The following ERBB4 variants were observed in gnomAD, a reference collection of about 807,000 sequenced individuals.
ERBB4 encodes receptor tyrosine-protein kinase erbB-4.
In ERBB4, 42 loss-of-function variants were observed where a neutral mutation model predicts 158.0. The observed-to-expected ratio is 0.27, with a 90% CI of 0.21 to 0.34. ERBB4 has a LOEUF of 0.34. ERBB4 is among the 10% of genes least tolerant of loss of function. The pLI is 1.00. For missense variants in ERBB4, 1,333 were observed against 1,624.1 expected, an observed-to-expected ratio of 0.82 and a Z score of 3.08; for synonymous variants, 583 against 558.7, an observed-to-expected ratio of 1.04 and a Z score of -0.61.
chr2:212,518,360 G>A (rs1274675194), intron 1 of ERBB4, among the ~76,000 whole-genome samples: 3 of 151,892 alleles, frequency 2.0e-5, no homozygotes, highest in Non-Finnish European at 4.4e-5. Context: ...TTATATTCAA[G>A]AATGAATATT....
chr2:212,087,759 T>C (rs1322301050), intron 2 of ERBB4, among the ~76,000 whole-genome samples: 1 of 152,092 alleles, frequency 6.6e-6, no homozygotes, highest in Non-Finnish European at 1.5e-5. Context: ...TAAATTCTAA[T>C]AACATTCTAC....
chr2:212,083,094 TAAGAA>T (rs2125472559), intron 2 of ERBB4, among the ~76,000 whole-genome samples: 1 of 152,058 alleles, frequency 6.6e-6, no homozygotes, highest in Non-Finnish European at 1.5e-5. Flanking sequence ...GGAGAAAAGA[TAAGAA>T]AAGGCCCATG....
intron 25 of ERBB4, among the ~76,000 whole-genome samples, chr2:211,405,977 T>TTCTA (rs1014910047): frequency 5.9e-5 from 9 of 152,268 alleles, no homozygotes; most frequent in African/African-American, 1.9e-4. Flanking sequence ...ATCCTGTTGT[T>TTCTA]TCTATCTCAA....
intron 20 of ERBB4, among the ~76,000 whole-genome samples, chr2:211,454,125 T>C (rs1305822903): frequency 6.6e-6 from 1 of 152,212 alleles, no homozygotes; most frequent in East Asian, 1.9e-4. Context: ...ATACATTCTA[T>C]CAGTTTTTTC....
intron 2 of ERBB4, among the ~76,000 whole-genome samples, chr2:212,073,207 C>T (rs574037368): frequency 1.3e-5 from 2 of 151,956 alleles, no homozygotes; most frequent in South Asian, 4.2e-4. Flanking sequence ...TTGTAGATCA[C>T]GTTCAAGTCT....
In ERBB4 at chr2:212,037,739, G is replaced by T. The variant is rs2077048546; in HGVS notation, c.234+87013C>A. Reference sequence around the variant, plus strand: ...ACAAACTTTTTGAAGTCAGGGGAAGGGATGAAAGTAAAATTAAAAATTAAT... The same window carrying T: ...ACAAACTTTTTGAAGTCAGGGGAAGTGATGAAAGTAAAATTAAAAATTAAT... On this transcript the variant is annotated intron_variant, in intron 2 of 27. Transcript: ENST00000342788. 2.6e-5 allele frequency among the ~76,000 whole-genome samples: 4 copies of T among 152,104 alleles called. No individual in the cohort carries two copies. In the South Asian group the frequency reaches 8.3e-4, roughly 32 times the overall value.
rs1468292852 is a variant in ERBB4 at position 211,822,768 on chromosome 2, A to T, written c.422-34609T>A. On this transcript the variant is annotated intron_variant, in intron 3 of 27. Coordinates refer to ENST00000342788, the MANE Select transcript of ERBB4 (RefSeq NM_005235.3). ...CATCAATATAACTGTGGTAAATCGA[A>T]TCATTAGCCACAACATTCCTTTGTC... Among the ~76,000 whole-genome samples, 4 of 152,052 alleles carry T rather than the reference A, an allele frequency of 2.6e-5. No individual in the cohort carries two copies. The South Asian group carries it at 6.2e-4, about 24-fold the overall frequency.
intron 7 of ERBB4, among the ~76,000 whole-genome samples, chr2:211,715,486 G>A (rs759235689): frequency 1.3e-5 from 2 of 152,156 alleles, no homozygotes; most frequent in African/African-American, 4.8e-5. Context: ...AAGGTCTTGT[G>A]ATATGGTTTG....
At chr2:211,415,134 TG>T (rs1191032018) in intron 25 of ERBB4, among the ~76,000 whole-genome samples, 4 of 125,536 alleles carry the variant, frequency 3.2e-5, no homozygotes. Context: ...TTTTTTTTTT[TG>T]AGACGGAGTC....
chr2:212,165,710 T>A (rs906365615), intron 1 of ERBB4, among the ~76,000 whole-genome samples: 7 of 152,040 alleles, frequency 4.6e-5, no homozygotes, highest in African/African-American at 1.7e-4. Flanking sequence ...TAAAAGGAAA[T>A]TTTCTAAAGT....
chr2:212,505,336 A>T (rs1329796303), intron 1 of ERBB4, among the ~76,000 whole-genome samples: 2 of 152,248 alleles, frequency 1.3e-5, no homozygotes, highest in East Asian at 3.9e-4. Flanking sequence ...ACCTCAGGTG[A>T]TCCATCCCCA....
intron 2 of ERBB4, among the ~76,000 whole-genome samples, chr2:211,973,030 G>T (rs2125207263): frequency 6.7e-6 from 1 of 149,178 alleles, no homozygotes; most frequent in African/African-American, 2.5e-5. Flanking sequence ...TCTGACAAAG[G>T]TCTAATGTCC....
intron 1 of ERBB4, among the ~76,000 whole-genome samples, chr2:212,483,298 T>C (rs759047542): frequency 3.3e-5 from 5 of 152,246 alleles, no homozygotes; most frequent in African/African-American, 7.2e-5. Context: ...CATTCAGGAT[T>C]CATAAGTATT....
At chr2:212,062,652 G>A (rs560914988) in intron 2 of ERBB4, among the ~76,000 whole-genome samples, 10 of 152,024 alleles carry the variant, frequency 6.6e-5, no homozygotes, top group South Asian at 4.2e-4. Flanking sequence ...TGATCTGCCC[G>A]CCTTGGCTTC....
At chr2:212,035,359 G>T (rs946685947) in intron 2 of ERBB4, among the ~76,000 whole-genome samples, 1 of 152,110 alleles carries the variant, frequency 6.6e-6, no homozygotes, top group African/African-American at 2.4e-5. Flanking sequence ...TGTTGCTTTA[G>T]AGCGCTATGA....
chr2:211,535,233 T>C (rs183446372), intron 20 of ERBB4, among the ~76,000 whole-genome samples: 54 of 152,190 alleles, frequency 3.5e-4, no homozygotes, highest in African/African-American at 1.2e-3. Flanking sequence ...ATAACTATAT[T>C]GTTAAATACT....
At chr2:211,792,690 C>A (rs1011247623) in intron 3 of ERBB4, among the ~76,000 whole-genome samples, 1 of 151,786 alleles carries the variant, frequency 6.6e-6, no homozygotes, top group Non-Finnish European at 1.5e-5. Context: ...ATTGTCCTTA[C>A]ATTTTTCAGA....
intron 1 of ERBB4, among the ~76,000 whole-genome samples, chr2:212,497,443 T>C (rs1690644274): frequency 6.6e-6 from 1 of 152,150 alleles, no homozygotes; most frequent in Non-Finnish European, 1.5e-5. Context: ...GTCCATTCAT[T>C]AACTTAGACA....
At chr2:211,481,256 A>C (rs950738738) in intron 20 of ERBB4, among the ~76,000 whole-genome samples, 2 of 152,226 alleles carry the variant, frequency 1.3e-5, no homozygotes, top group African/African-American at 4.8e-5. Flanking sequence ...AGATGAAAAA[A>C]AACTAAACAA....
Sources: allele counts gnomAD v4.1 joint callset (sites outside exome capture counted in the v4.1 genomes callset), GRCh38; gene constraint gnomAD v4.1.1; transcripts MANE v1.5; gene names NCBI Gene and HGNC (gene_info 2026-07-23, HGNC 2026-07-21).